The following NAA35 variants were observed in gnomAD, a reference collection of about 807,000 sequenced individuals.
NAA35 encodes N-alpha-acetyltransferase 35, NatC auxiliary subunit, also known as MAK10 homolog, amino-acid N-acetyltransferase subunit.
NAA35 carries 18 observed loss-of-function variants against 101.7 expected under a neutral mutation model. That is an observed-to-expected ratio of 0.18 (90% CI 0.12 to 0.26). NAA35 has a LOEUF of 0.26. Ranked by LOEUF, NAA35 falls within the 10% of genes least tolerant of loss-of-function variation. The probability of loss-of-function intolerance (pLI) is 1.00; values close to 1 mark genes in which losing one functional copy is unlikely to be tolerated. For missense variants in NAA35, 601 were observed against 886.8 expected (o/e 0.68, Z 4.09); for synonymous variants, 267 against 273.1 (o/e 0.98, Z 0.22).
At chr9:85,978,452 A>C (rs1182811327) in intron 11 of NAA35, 71 bp downstream of exon 11, 5 of 1,086,038 alleles carry the variant, frequency 4.6e-6, no homozygotes, top group Middle Eastern at 2.1e-4. Flanking sequence ...CTTAGCTTGT[A>C]CTAAAGTTTT....
At chr9:85,947,644 G>A (rs116424032) in intron 2 of NAA35, among the ~76,000 whole-genome samples, 2,135 of 152,256 alleles carry the variant, frequency 0.014, 49 homozygotes, top group African/African-American at 0.047. Context: ...GTGTCTATGA[G>A]GTGGTGCTAC....
At chr9:86,002,907 T>A (rs1831476808) in intron 12 of NAA35, among the ~76,000 whole-genome samples, 2 of 152,198 alleles carry the variant, frequency 1.3e-5, no homozygotes, top group South Asian at 4.1e-4. Context: ...GGAGGACATA[T>A]GACACTCTGG....
chr9:85,969,861 A>C (rs1673477924), intron 6 of NAA35, among the ~76,000 whole-genome samples: 1 of 140,664 alleles, frequency 7.1e-6, no homozygotes, highest in Admixed American at 7.1e-5. Flanking sequence ...CTGTCTCTTA[A>C]AAAAAAAAAA....
At chr9:86,018,535 G>A (rs1832346978) in intron 20 of NAA35, 140 bp downstream of exon 20, 4 of 1,322,976 alleles carry the variant, frequency 3.0e-6, no homozygotes, top group Non-Finnish European at 2.1e-6. Flanking sequence ...TGAGGGTTGA[G>A]AATTATATAT....
chr9:86,013,999 C>A, intron 17 of NAA35, 102 bp downstream of exon 17: 1 of 991,394 alleles, frequency 1.0e-6, no homozygotes, highest in Non-Finnish European at 1.4e-6. Flanking sequence ...TATATTTTAT[C>A]TTTAGTTGTG....
At chr9:85,956,303 T>C in intron 2 of NAA35, 57 bp from the exon 3 acceptor site, 1 of 1,075,370 alleles carries the variant, frequency 9.3e-7, no homozygotes, top group Non-Finnish European at 1.3e-6. Flanking sequence ...TTTTTTTTCT[T>C]AGAATTAAAA....
chr9:85,973,959 T>C lies in NAA35; in HGVS notation c.517-1008T>C, dbSNP rs546440222. On this transcript the variant is annotated intron_variant, in intron 6 of 22. Transcript: ENST00000361671. ...ATTGTTCTGTTATTTTAGGATTCTA[T>C]CTACATTTTTTTTTTGAGGCAGAGT... Among the ~76,000 whole-genome samples, 5 of 152,142 alleles carry C rather than the reference T, an allele frequency of 3.3e-5. No homozygotes were observed. The East Asian group carries it at 9.7e-4, about 29-fold the overall frequency.
At chr9:86,002,912 C>T (rs1039778295) in intron 12 of NAA35, among the ~76,000 whole-genome samples, 15 of 152,154 alleles carry the variant, frequency 9.9e-5, no homozygotes, top group African/African-American at 3.6e-4. Context: ...ACATATGACA[C>T]TCTGGCCATT....
Position 85,942,199 on chromosome 9 carries a change from T to C in NAA35, c.40T>C (p.Trp14Arg). 6.2e-7 allele frequency: 1 copy of C among 1,614,184 alleles called. No homozygotes were observed. The highest frequency in any genetic ancestry group is 8.5e-7 in the Non-Finnish European group (1 of 1,180,020). ...KASVDDDDSG[W>R]ELSMPEKMEK... is the part of the protein sequence containing the mutation. The stretch of plus-strand genomic sequence containing the variant: ...TTCTGTAGATGATGACGATTCAGGA[T>C]GGGAGCTCAGTATGCCAGAAAAAAT... The change falls in exon 2 of 23, where the codon TGG becomes CGG. Residue 14 changes from tryptophan to arginine, a missense_variant. Transcript: ENST00000361671.
intron 12 of NAA35, among the ~76,000 whole-genome samples, chr9:86,000,067 G>A (rs1238996772): frequency 6.6e-6 from 1 of 151,998 alleles, no homozygotes; most frequent in African/African-American, 2.4e-5. Context: ...TTTGAGGTGT[G>A]GTCCTTCAAT....
At chr9:85,992,091 G>A (rs946857057) in intron 11 of NAA35, among the ~76,000 whole-genome samples, 14 of 151,658 alleles carry the variant, frequency 9.2e-5, no homozygotes, top group Non-Finnish European at 1.6e-4. Flanking sequence ...GGGGAATGGC[G>A]TGAACCCAGG....
At chr9:86,002,020 A>G (rs1457432991) in intron 12 of NAA35, among the ~76,000 whole-genome samples, 2 of 152,074 alleles carry the variant, frequency 1.3e-5, no homozygotes, top group Admixed American at 6.6e-5. Flanking sequence ...TCCTTTCTAT[A>G]TTTAGGGCTC....
chr9:85,983,676 G>A (rs1479907658), intron 11 of NAA35, among the ~76,000 whole-genome samples: 1 of 152,018 alleles, frequency 6.6e-6, no homozygotes, highest in African/African-American at 2.4e-5. Flanking sequence ...GCGGGTGGGG[G>A]CCAAGGGGAG....
chr9:85,949,299 C>CTT (rs56828555), intron 2 of NAA35, among the ~76,000 whole-genome samples: 2,405 of 140,090 alleles, frequency 0.017, 71 homozygotes, highest in African/African-American at 0.058. Context: ...TTTTCTTTTT[C>CTT]TTTTTTTTTT....
chr9:85,984,111 T>G (rs1334935246), intron 11 of NAA35, among the ~76,000 whole-genome samples: 1 of 150,998 alleles, frequency 6.6e-6, no homozygotes, highest in African/African-American at 2.4e-5. Flanking sequence ...GAAGATTGCA[T>G]GAGGCCAGGA....
At chr9:85,971,829 T>C (rs1380740415) in intron 6 of NAA35, among the ~76,000 whole-genome samples, 1 of 144,018 alleles carries the variant, frequency 6.9e-6, no homozygotes, top group East Asian at 2.1e-4. Flanking sequence ...CTTTGAAATA[T>C]ATCCTGATTT....
intron 19 of NAA35, 130 bp downstream of exon 19, chr9:86,017,695 G>T: frequency 1.3e-6 from 1 of 747,592 alleles, no homozygotes; most frequent in Non-Finnish European, 2.1e-6. Flanking sequence ...TCTGCTTGAA[G>T]ATTACCTTTA....
intron 13 of NAA35, 91 bp from the exon 14 acceptor site, chr9:86,007,267 C>T (rs771287719): frequency 1.5e-5 from 13 of 861,812 alleles, no homozygotes; most frequent in South Asian, 5.5e-5. Flanking sequence ...TAATCACTTG[C>T]GTAGTCTGTG....
At chr9:85,959,094 C>T (rs561445677) in intron 4 of NAA35, among the ~76,000 whole-genome samples, 104 of 152,038 alleles carry the variant, frequency 6.8e-4, no homozygotes, top group African/African-American at 2.1e-3. Context: ...CTTTAGTTTT[C>T]GGCTGGGTGC....
Sources: gnomAD v4.1 joint callset for allele counts (sites outside exome capture counted in the v4.1 genomes callset) on GRCh38, gnomAD v4.1.1 for gene constraint, MANE v1.5 for transcripts, NCBI Gene and HGNC (gene_info 2026-07-23, HGNC 2026-07-21) for gene names.